Variants in DOCK10 observed in about 807,000 individuals in gnomAD.
DOCK10 encodes the protein dedicator of cytokinesis protein 10.
A neutral mutation model predicts 280.1 loss-of-function variants in DOCK10; 145 were observed. The observed-to-expected ratio is 0.52, with a 90% CI of 0.45 to 0.59. The LOEUF (loss-of-function observed/expected upper bound fraction) is 0.59, where lower values mean the gene tolerates loss of function less well. Among genes scored for constraint, DOCK10 ranks in the 20% least tolerant of loss-of-function variants. DOCK10 has a pLI of 0.00. For synonymous variants in DOCK10, 915 were observed against 942.2 expected (o/e 0.97, Z 0.53); for missense variants, 2,368 against 2,651.7 (o/e 0.89, Z 2.35).
At chr2:224,980,860 G>A (rs1404860139) in intron 1 of DOCK10, among the ~76,000 whole-genome samples, 1 of 151,926 alleles carries the variant, frequency 6.6e-6, no homozygotes, top group Admixed American at 6.6e-5. Context: ...TATCAATAAA[G>A]GTATTATATA....
At chr2:224,932,795 C>A (rs1479575995) in intron 1 of DOCK10, among the ~76,000 whole-genome samples, 1 of 152,194 alleles carries the variant, frequency 6.6e-6, no homozygotes, top group Non-Finnish European at 1.5e-5. Context: ...CTAAGGCTTT[C>A]TTTGGAAGAT....
At chr2:224,879,898 T>C (rs1283918962) in intron 7 of DOCK10, among the ~76,000 whole-genome samples, 2 of 152,168 alleles carry the variant, frequency 1.3e-5, no homozygotes, top group Admixed American at 1.3e-4. Flanking sequence ...CTCAGTGTTA[T>C]CTTGAAAACA....
intron 28 of DOCK10, among the ~76,000 whole-genome samples, chr2:224,819,914 T>G (rs1398334708): frequency 6.6e-6 from 1 of 152,214 alleles, no homozygotes; most frequent in Admixed American, 6.5e-5. Context: ...AATGAAATAT[T>G]ATAGCCCCTT....
intron 53 of DOCK10, among the ~76,000 whole-genome samples, chr2:224,771,114 T>C (rs1403821734): frequency 1.3e-5 from 2 of 151,888 alleles, no homozygotes; most frequent in Non-Finnish European, 2.9e-5. Flanking sequence ...AAAGAAAGTT[T>C]TTGTAGAGAC....
intron 26 of DOCK10, among the ~76,000 whole-genome samples, 181 bp from the exon 27 acceptor site, chr2:224,830,793 C>A (rs1695173106): frequency 6.6e-6 from 1 of 152,000 alleles, no homozygotes; most frequent in Non-Finnish European, 1.5e-5. Flanking sequence ...TCAATCCTCT[C>A]AAAAAATGTT....
At chr2:224,772,980 T>C (rs1194437700) in intron 53 of DOCK10, among the ~76,000 whole-genome samples, 177 bp downstream of exon 53, 1 of 152,198 alleles carries the variant, frequency 6.6e-6, no homozygotes, top group African/African-American at 2.4e-5. Flanking sequence ...CTACAGGTGT[T>C]GAGTAACATT....
chr2:224,963,687 G>A (rs905471321), intron 1 of DOCK10, among the ~76,000 whole-genome samples: 1 of 152,192 alleles, frequency 6.6e-6, no homozygotes, highest in Admixed American at 6.5e-5. Flanking sequence ...AAGTGACAGA[G>A]ATTTATTTTA....
intron 18 of DOCK10, among the ~76,000 whole-genome samples, chr2:224,850,117 A>G (rs1420928934): frequency 6.6e-6 from 1 of 152,198 alleles, no homozygotes; most frequent in South Asian, 2.1e-4. Flanking sequence ...GGGCAGTTCT[A>G]AAGTTTCTTT....
chr2:224,967,111 G>T (rs964084784), intron 1 of DOCK10, among the ~76,000 whole-genome samples: 1 of 145,606 alleles, frequency 6.9e-6, no homozygotes, highest in Non-Finnish European at 1.5e-5. Context: ...ACGGAGTCTC[G>T]CTCTGTCGCC....
chr2:225,011,462 A>G (rs1689435292), intron 1 of DOCK10, among the ~76,000 whole-genome samples: 1 of 152,216 alleles, frequency 6.6e-6, no homozygotes, highest in Non-Finnish European at 1.5e-5. Context: ...AGAGTGTTGA[A>G]TATTGACATC....
chr2:225,042,120 G>A lies in DOCK10; in HGVS notation c.123+132C>T. 1 of 1,078,212 alleles carries A rather than the reference G, an allele frequency of 9.3e-7. No homozygotes were observed. Among genetic ancestry groups the A allele is most frequent in the Non-Finnish European group, 1.2e-6 (1 of 854,792 alleles). The allele number at this position is 1,078,212 out of a possible 1,614,324, so 66.8% of individuals were successfully genotyped here. A position where few individuals can be genotyped will look rare whatever the true frequency, so the allele number is the denominator to read the frequency against. On this transcript the variant is annotated intron_variant, in intron 1 of 55. Transcript: ENST00000258390. This position sits in a 1 kb window ranked among gnomAD's most constrained non-coding sequence, Gnocchi z 5.1. The stretch of plus-strand genomic sequence containing the variant: ...CCGGGGGAGCCCGCAGAGGCGGCGG[G>A]GGAGGGAGTGCGGAGGAGAGGACCC...
intron 1 of DOCK10, among the ~76,000 whole-genome samples, chr2:225,039,414 C>A (rs902326189): frequency 2.0e-4 from 31 of 152,224 alleles, no homozygotes; most frequent in African/African-American, 7.0e-4. Context: ...AATGAAGGAG[C>A]AAATATTTCT....
chr2:224,945,653 G>C (rs114660534), intron 1 of DOCK10, among the ~76,000 whole-genome samples: 1 of 151,728 alleles, frequency 6.6e-6, no homozygotes, highest in African/African-American at 2.4e-5. Context: ...TATTTATAAA[G>C]AGCCTATATA....
At chr2:224,800,353 G>A in intron 40 of DOCK10, 90 bp from the exon 41 acceptor site, 1 of 700,428 alleles carries the variant, frequency 1.4e-6, no homozygotes, top group Non-Finnish European at 2.3e-6. Flanking sequence ...TATATTCAAA[G>A]TTTGCTGGCA....
At chr2:224,976,809 C>A (rs1324133031) in intron 1 of DOCK10, among the ~76,000 whole-genome samples, 1 of 152,050 alleles carries the variant, frequency 6.6e-6, no homozygotes, top group African/African-American at 2.4e-5. Context: ...GTCTCTGTAT[C>A]TTTTGCCCTA....
At chr2:224,845,406 G>T in intron 20 of DOCK10, 82 bp from the exon 21 acceptor site, 2 of 1,527,594 alleles carry the variant, frequency 1.3e-6, no homozygotes, top group South Asian at 1.2e-5. Context: ...TATTATTTAC[G>T]AACACTAAAT....
At chr2:224,975,280 T>C (rs185516707) in intron 1 of DOCK10, among the ~76,000 whole-genome samples, 1 of 152,290 alleles carries the variant, frequency 6.6e-6, no homozygotes, top group East Asian at 1.9e-4. Context: ...TTCTGTGGCT[T>C]TGGGATGCAA....
At chr2:224,873,947 G>A (rs767552991) in intron 11 of DOCK10, 49 bp downstream of exon 11, 1 of 1,557,472 alleles carries the variant, frequency 6.4e-7, no homozygotes, top group Admixed American at 2.0e-5. Flanking sequence ...TGACTAGGGT[G>A]GTGTAATGTT....
intron 29 of DOCK10, among the ~76,000 whole-genome samples, chr2:224,818,826 C>G (rs1352208126): frequency 6.6e-6 from 1 of 152,210 alleles, no homozygotes; most frequent in Non-Finnish European, 1.5e-5. Context: ...ACCCAAAGAA[C>G]AGTTAACTGA....
Sources: allele counts gnomAD v4.1 joint callset (sites outside exome capture counted in the v4.1 genomes callset), GRCh38; gene constraint gnomAD v4.1.1; non-coding constraint Gnocchi (gnomAD v3.1); transcripts MANE v1.5; gene names NCBI Gene and HGNC (gene_info 2026-07-23, HGNC 2026-07-21).